The following POU2F2 variants were observed in gnomAD, a reference collection of about 807,000 sequenced individuals.
POU2F2 encodes POU domain, class 2, transcription factor 2.
A neutral mutation model predicts 63.5 loss-of-function variants in POU2F2; 14 were observed. That is an observed-to-expected ratio of 0.22 (90% CI 0.15 to 0.34). POU2F2 has a LOEUF of 0.34. Among genes scored for constraint, POU2F2 ranks in the 10% least tolerant of loss-of-function variants. The pLI is 1.00. For missense variants in POU2F2, 607 were observed against 815.2 expected (o/e 0.74, Z 3.11); for synonymous variants, 306 against 348.6 (o/e 0.88, Z 1.36).
chr19:42,093,805 T>C, intron 12 of POU2F2, 24 bp downstream of exon 12: 1 of 1,593,346 alleles, frequency 6.3e-7, no homozygotes, highest in Non-Finnish European at 8.6e-7. Context: ...CAGTCCCCCC[T>C]CACCATTTTC....
intron 5 of POU2F2, among the ~76,000 whole-genome samples, chr19:42,100,882 G>A (rs754657712): frequency 2.6e-5 from 4 of 152,060 alleles, no homozygotes; most frequent in African/African-American, 7.3e-5. Context: ...GGCGGATCAC[G>A]AGGTCAGGAG....
intron 1 of POU2F2, among the ~76,000 whole-genome samples, chr19:42,164,291 CAA>C (rs542411101): frequency 6.4e-4 from 56 of 88,092 alleles, no homozygotes; most frequent in Middle Eastern, 6.8e-3. Context: ...CATTCTGTCT[CAA>C]AAAAAAAAAA....
At chr19:42,190,781 T>C (rs2035067396) in intron 1 of POU2F2, among the ~76,000 whole-genome samples, 1 of 152,150 alleles carries the variant, frequency 6.6e-6, no homozygotes, top group African/African-American at 2.4e-5. Context: ...ATGCGGTATA[T>C]GTATCAGGAT....
At chr19:42,106,510 A>G (rs990788370) in intron 5 of POU2F2, among the ~76,000 whole-genome samples, 3 of 152,196 alleles carry the variant, frequency 2.0e-5, no homozygotes, top group Non-Finnish European at 4.4e-5. Context: ...AAAACTTCCT[A>G]CTGGGTACTG....
At chr19:42,138,438 G>A (rs1298192243) in intron 2 of POU2F2, among the ~76,000 whole-genome samples, 1 of 152,134 alleles carries the variant, frequency 6.6e-6, no homozygotes, top group South Asian at 2.1e-4. Context: ...GGGTTGCCAA[G>A]GTTGAAGACC....
Position 42,099,634 on chromosome 19 carries a change from GA to G in POU2F2, c.476-17del. 1 of 1,609,852 alleles carries G rather than the reference GA, an allele frequency of 6.2e-7. No individual in the cohort carries two copies. The highest frequency in any genetic ancestry group is 1.1e-5 in the South Asian group (1 of 90,960). ...GGTAGCAGGCCTGGAAAGACAAGGGGAAATACACAGGGTGAGGGGGAGGGGA... is the reference window on the plus strand; with the variant it reads ...GGTAGCAGGCCTGGAAAGACAAGGGGAATACACAGGGTGAGGGGGAGGGGA... On this transcript the variant is annotated splice_polypyrimidine_tract_variant and intron_variant, in intron 6 of 14. Coordinates refer to ENST00000692977, the MANE Select transcript of POU2F2 (RefSeq NM_001394376.1).
upstream of POU2F2, among the ~76,000 whole-genome samples, chr19:42,197,524 A>C (rs1193916040): frequency 6.6e-6 from 1 of 152,152 alleles, no homozygotes; most frequent in African/African-American, 2.4e-5. Context: ...CCATCCCTGC[A>C]AGAAAGGCAG....
intron 11 of POU2F2, among the ~76,000 whole-genome samples, chr19:42,094,332 G>C (rs969019450): frequency 6.6e-6 from 1 of 152,180 alleles, no homozygotes; most frequent in Non-Finnish European, 1.5e-5. Context: ...GGAAAGAGCA[G>C]ATCTAAAGTG....
At chr19:42,183,995 A>ATTTT (rs577786741) in intron 1 of POU2F2, among the ~76,000 whole-genome samples, 1 of 125,760 alleles carries the variant, frequency 8.0e-6, no homozygotes, top group African/African-American at 3.0e-5. Context: ...ACGACTGGGG[A>ATTTT]TTTTTTTTTT....
intron 5 of POU2F2, among the ~76,000 whole-genome samples, chr19:42,108,476 G>A (rs889762007): frequency 3.3e-5 from 5 of 152,196 alleles, no homozygotes; most frequent in African/African-American, 1.2e-4. Context: ...TCGGGAGACT[G>A]AGGTGGGAGG....
intron 4 of POU2F2, among the ~76,000 whole-genome samples, chr19:42,119,694 G>T (rs900678749): frequency 6.6e-6 from 1 of 152,012 alleles, no homozygotes; most frequent in Non-Finnish European, 1.5e-5. Flanking sequence ...AACCCAGGAG[G>T]TGGAGGTTGC....
chr19:42,111,828 C>T (rs1404246982), intron 5 of POU2F2, among the ~76,000 whole-genome samples: 2 of 152,102 alleles, frequency 1.3e-5, no homozygotes, highest in African/African-American at 4.8e-5. Flanking sequence ...TCTCCTATCC[C>T]CTGCAGTCGA....
At position 42,089,992 on chromosome 19, in the gene POU2F2, T is replaced by C. The variant is rs1173741789; in HGVS notation, c.*1265A>G. The C allele has an allele frequency of 6.6e-6, 1 of 152,218 alleles. No individual in the cohort carries two copies. Among genetic ancestry groups the C allele is most frequent in the Non-Finnish European group, 1.5e-5 (1 of 67,990 alleles). 9.4% of individuals were successfully genotyped at this position (152,218 alleles called of 1,614,324 possible). On this transcript the variant is annotated 3_prime_UTR_variant, in exon 15 of 15. Coordinates refer to ENST00000692977, the MANE Select transcript of POU2F2 (RefSeq NM_001394376.1). Reference sequence around the variant, plus strand: ...CCTCTCAGATGGGGACCACAGGCTGTGGCACTGTCCCCACCACATGGACCC... The same window carrying C: ...CCTCTCAGATGGGGACCACAGGCTGCGGCACTGTCCCCACCACATGGACCC...
intron 1 of POU2F2, among the ~76,000 whole-genome samples, chr19:42,188,932 G>GAAGGAAGGAAGGAAGGAAGA (rs1568428776): frequency 2.6e-5 from 4 of 150,952 alleles, no homozygotes; most frequent in African/African-American, 7.3e-5. Context: ...AGGAAGGAAG[G>GAAGGAAGGAAGGAAGGAAGA]AAGGAAGGAA....
chr19:42,192,647 T>C lies in POU2F2; in HGVS notation c.-70+3736A>G, dbSNP rs1327561638. 2.6e-5 allele frequency among the ~76,000 whole-genome samples: 4 copies of C among 152,198 alleles called. No individual in the cohort carries two copies. In the East Asian group the frequency reaches 5.8e-4, roughly 22 times the overall value. The stretch of plus-strand genomic sequence containing the variant: ...AAATATTTCCTGAGACCTTCATACA[T>C]GCTATTCCATCTACCTGGAATACCC... On this transcript the variant is annotated intron_variant, in intron 1 of 5. Coordinates refer to the POU2F2 transcript ENST00000532176.
intron 2 of POU2F2, among the ~76,000 whole-genome samples, chr19:42,137,932 G>A (rs1416312734): frequency 6.6e-6 from 1 of 152,210 alleles, no homozygotes; most frequent in African/African-American, 2.4e-5. Flanking sequence ...GAGGCCTATA[G>A]AGCTGGAGCA....
At chr19:42,168,432 A>G (rs1255504663) in intron 1 of POU2F2, among the ~76,000 whole-genome samples, 1 of 152,226 alleles carries the variant, frequency 6.6e-6, no homozygotes, top group Non-Finnish European at 1.5e-5. Flanking sequence ...CCTGGGCCTC[A>G]CATGATTGCT....
At position 42,095,537 on chromosome 19, in the gene POU2F2, G is replaced by A. The variant is rs575300073; in HGVS notation, c.1020+8C>T. 2 of 1,600,148 alleles carry A rather than the reference G, an allele frequency of 1.2e-6. 1 individual carries two copies. The highest frequency in any genetic ancestry group is 1.7e-6 in the Non-Finnish European group (2 of 1,172,800). On this transcript the variant is annotated splice_region_variant and intron_variant, in intron 10 of 14. Coordinates refer to ENST00000692977, the MANE Select transcript of POU2F2 (RefSeq NM_001394376.1). The surrounding 1 kb of genome is among the most constrained non-coding windows in gnomAD (Gnocchi z 7.1). ...AGGTGAGGGCCACCCAGGAGAGGGG[G>A]GCCTCACCGCTAGAAAACTCTTCTC...
At chr19:42,161,228 G>A (rs758626074) in intron 1 of POU2F2, among the ~76,000 whole-genome samples, 11 of 152,184 alleles carry the variant, frequency 7.2e-5, no homozygotes, top group East Asian at 1.9e-4. Context: ...TGCAAGGAAC[G>A]AGAGAATGCC....
Sources: gnomAD v4.1 joint callset for allele counts (sites outside exome capture counted in the v4.1 genomes callset) on GRCh38, gnomAD v4.1.1 for gene constraint, Gnocchi (gnomAD v3.1) non-coding constraint, MANE v1.5 for transcripts, NCBI Gene and HGNC (gene_info 2026-07-23, HGNC 2026-07-21) for gene names.